SBNO1: variants seen among roughly 807,000 people sequenced by gnomAD.
The protein encoded by SBNO1 is protein strawberry notch homolog 1.
A neutral mutation model predicts 173.6 loss-of-function variants in SBNO1; 23 were observed. The ratio of observed to expected loss-of-function variants is 0.13; its 90% CI spans 0.10 to 0.19. The LOEUF (loss-of-function observed/expected upper bound fraction) is 0.19, where lower values mean the gene tolerates loss of function less well. Among genes scored for constraint, SBNO1 ranks in the 10% least tolerant of loss-of-function variants. SBNO1 has a pLI of 1.00. For missense variants in SBNO1, 1,238 were observed against 1,671.2 expected, an observed-to-expected ratio of 0.74 and a Z score of 4.52; for synonymous variants, 632 against 571.5, an observed-to-expected ratio of 1.11 and a Z score of -1.51.
intron 23 of SBNO1, among the ~76,000 whole-genome samples, chr12:123,314,893 G>A (rs1358388858): frequency 6.6e-6 from 1 of 150,718 alleles, no homozygotes; most frequent in Non-Finnish European, 1.5e-5. Flanking sequence ...ACTGATCCCG[G>A]CCTAATTTTT....
At position 123,334,361 on chromosome 12, in the gene SBNO1, G is replaced by A. The variant is rs572103957; in HGVS notation, c.749-148C>T. On this transcript the variant is annotated intron_variant, in intron 6 of 31. Transcript: ENST00000602398. ...TGAGCTTCCATAAAAAGTAACTGAT[G>A]ACAAAGTACTATCTATATTTGACTA... The A allele has an allele frequency of 9.2e-5, 54 of 586,258 alleles. 1 individual carries two copies. The South Asian group carries it at 1.3e-3, about 15-fold the overall frequency. The allele number at this position is 586,258 out of a possible 1,614,324, so 36.3% of individuals were successfully genotyped here.
chr12:123,315,830 G>GAA (rs953590988), intron 21 of SBNO1, among the ~76,000 whole-genome samples, 170 bp from the exon 22 acceptor site: 2 of 152,160 alleles, frequency 1.3e-5, no homozygotes, highest in African/African-American at 4.8e-5. Flanking sequence ...CTCAATGACA[G>GAA]AAGTATTAGC....
At position 123,313,253 on chromosome 12, in the gene SBNO1, T is replaced by C. The variant is rs899216897; in HGVS notation, c.3220+367A>G. On this transcript the variant is annotated intron_variant, in intron 24 of 31. Coordinates refer to ENST00000602398, the MANE Select transcript of SBNO1 (RefSeq NM_001167856.3). ...ATAAATAAATAAATAAATAAATAAA[T>C]AATTTTTAAAAAAGACTCGGTCTTA... 2.1e-5 allele frequency among the ~76,000 whole-genome samples: 3 copies of C among 145,238 alleles called. No homozygotes were observed. The East Asian group carries it at 6.2e-4, about 30-fold the overall frequency.
chr12:123,319,784 G>A, intron 20 of SBNO1, 116 bp downstream of exon 20: 1 of 855,246 alleles, frequency 1.2e-6, no homozygotes, highest in Non-Finnish European at 1.8e-6. Context: ...AAAAAATACA[G>A]AATGACAATA....
intron 4 of SBNO1, among the ~76,000 whole-genome samples, chr12:123,341,373 G>T (rs1360330500): frequency 6.6e-6 from 1 of 152,018 alleles, no homozygotes; most frequent in Non-Finnish European, 1.5e-5. Flanking sequence ...GCTTGAACCT[G>T]GGAGGTGGAG....
At position 123,309,736 on chromosome 12, in the gene SBNO1, T is replaced by A; in HGVS notation, c.3416A>T (p.Asn1139Ile). ...LTAVVQNAKK[N>I]GRYDMGILDL... is the part of the protein sequence containing the mutation. Reference sequence around the variant, plus strand: ...TAAGATTCCCATATCATATCTTCCATTTTTTTTGGCATTTTGAACAACTGC... The same window carrying A: ...TAAGATTCCCATATCATATCTTCCAATTTTTTTGGCATTTTGAACAACTGC... Residue 1139 changes from asparagine to isoleucine, a missense_variant, in exon 26 of 32, where the codon AAT becomes ATT. Coordinates refer to ENST00000602398, the MANE Select transcript of SBNO1 (RefSeq NM_001167856.3). 1.3e-6 allele frequency: 2 copies of A among 1,596,638 alleles called. No homozygotes were observed. Among genetic ancestry groups the A allele is most frequent in the Non-Finnish European group, 1.7e-6 (2 of 1,169,286 alleles).
intron 1 of SBNO1, chr12:123,364,096 G>C (rs369519011): frequency 1.1e-5 from 11 of 985,534 alleles, no homozygotes; most frequent in Non-Finnish European, 1.3e-5. Flanking sequence ...AACTAAGCGA[G>C]TCGCCTGGAG....
At chr12:123,310,261 T>C (rs1470128050) in intron 25 of SBNO1, among the ~76,000 whole-genome samples, 5 of 152,234 alleles carry the variant, frequency 3.3e-5, no homozygotes, top group Non-Finnish European at 7.3e-5. Context: ...GACGGAGTCT[T>C]GCTCTGCTGT....
chr12:123,300,384 G>A (rs1305999039), intron 30 of SBNO1, among the ~76,000 whole-genome samples: 4 of 152,188 alleles, frequency 2.6e-5, no homozygotes, highest in South Asian at 4.1e-4. Context: ...TAGGCCAGGC[G>A]CAGTGGCTCA....
At position 123,328,051 on chromosome 12, in the gene SBNO1, G is replaced by C. The variant is rs1295207849; in HGVS notation, c.1297-24C>G. The C allele has an allele frequency of 1.9e-6, 3 of 1,571,848 alleles. No individual in the cohort carries two copies. The Admixed American group carries it at 5.2e-5, about 27-fold the overall frequency. On this transcript the variant is annotated intron_variant, in intron 10 of 31. Transcript: ENST00000602398. ...ATCTAAATGGAATGAGTTAAGGAAT[G>C]TATCACATTAGTATTAAGTAAGAAT...
At chr12:123,364,458 G>T (rs1875860508) in intron 1 of SBNO1, 1 of 985,390 alleles carries the variant, frequency 1.0e-6, no homozygotes, top group Non-Finnish European at 1.2e-6. Context: ...CACGAGCGGC[G>T]ACAGCGGGGC....
intron 2 of SBNO1, among the ~76,000 whole-genome samples, chr12:123,348,755 G>T (rs1435918654): frequency 6.6e-6 from 1 of 151,786 alleles, no homozygotes; most frequent in Non-Finnish European, 1.5e-5. Flanking sequence ...GACAGAGCGA[G>T]ACTCGGTCTC....
chr12:123,323,415 C>T (rs559654623), intron 16 of SBNO1, among the ~76,000 whole-genome samples: 78 of 152,170 alleles, frequency 5.1e-4, no homozygotes, highest in African/African-American at 1.5e-3. Flanking sequence ...AGTGCAGCAG[C>T]GCTATCTCGG....
chr12:123,343,537 CTTTTTTTT>C (rs58841947), intron 4 of SBNO1, among the ~76,000 whole-genome samples: 1 of 135,490 alleles, frequency 7.4e-6, no homozygotes, highest in Non-Finnish European at 1.6e-5. Flanking sequence ...CACTTACCAT[CTTTTTTTT>C]TTTTTTTTTT....
chr12:123,309,105 C>G (rs1462005812), intron 28 of SBNO1, among the ~76,000 whole-genome samples: 4 of 151,942 alleles, frequency 2.6e-5, no homozygotes, highest in South Asian at 2.1e-4. Context: ...TGTAACAATT[C>G]TAAACCCACA....
At chr12:123,356,267 A>G (rs747227872) in intron 1 of SBNO1, among the ~76,000 whole-genome samples, 48 of 152,212 alleles carry the variant, frequency 3.2e-4, no homozygotes, top group Non-Finnish European at 5.3e-4. Flanking sequence ...TAAATGTGAT[A>G]CTACCTGGAG....
chr12:123,364,089 T>A (rs1006446166), intron 1 of SBNO1: 1 of 985,478 alleles, frequency 1.0e-6, no homozygotes, highest in Admixed American at 6.1e-5. Flanking sequence ...GAGGCAGAAC[T>A]AAGCGAGTCG....
chr12:123,336,602 T>C (rs534884788), intron 5 of SBNO1, 111 bp from the exon 6 acceptor site: 40 of 666,802 alleles, frequency 6.0e-5, no homozygotes, highest in African/African-American at 5.5e-4. Context: ...CATGGAAACA[T>C]GACGCGCCAC....
At chr12:123,306,648 G>T (rs1032295019) in intron 28 of SBNO1, among the ~76,000 whole-genome samples, 5 of 152,098 alleles carry the variant, frequency 3.3e-5, no homozygotes, top group Non-Finnish European at 7.4e-5. Flanking sequence ...AGCCCAGGAG[G>T]AGTTCGAGAC....
Sources: gnomAD v4.1 joint callset for allele counts (sites outside exome capture counted in the v4.1 genomes callset) on GRCh38, gnomAD v4.1.1 for gene constraint, MANE v1.5 for transcripts, NCBI Gene and HGNC (gene_info 2026-07-23, HGNC 2026-07-21) for gene names.